The following SEPTIN2 variants were observed in gnomAD, a reference collection of about 807,000 sequenced individuals.
SEPTIN2 encodes septin-2.
Under a neutral mutation model 46.5 loss-of-function variants are expected in SEPTIN2, and 34 were observed. That is an observed-to-expected ratio of 0.73 (90% CI 0.56 to 0.97). The LOEUF (loss-of-function observed/expected upper bound fraction) is 0.97, where lower values mean the gene tolerates loss of function less well. SEPTIN2 is among the 50% of genes least tolerant of loss of function. The pLI is 0.00. For synonymous variants in SEPTIN2, 175 were observed against 153.4 expected (o/e 1.14, Z -1.04); for missense variants, 347 against 448.4 (o/e 0.77, Z 2.04).
At chr2:241,316,476 G>C (rs2076273502) in intron 1 of SEPTIN2, 2 of 1,501,794 alleles carry the variant, frequency 1.3e-6, no homozygotes, top group South Asian at 1.2e-5. Context: ...GGATGCCGTG[G>C]ATAAGCGAGG....
chr2:241,324,461 C>T (rs774941092), intron 2 of SEPTIN2: 1 of 515,396 alleles, frequency 1.9e-6, no homozygotes, highest in Non-Finnish European at 3.6e-6. Flanking sequence ...GATCTCAGCT[C>T]ACTGCAACTT....
intron 1 of SEPTIN2, among the ~76,000 whole-genome samples, chr2:241,319,543 A>G (rs1462238403): frequency 6.6e-6 from 1 of 152,252 alleles, no homozygotes; most frequent in African/African-American, 2.4e-5. Context: ...TTTAGAAAAC[A>G]GTATTTGCCT....
At chr2:241,339,895 C>G (rs1157297319) in intron 7 of SEPTIN2, among the ~76,000 whole-genome samples, 1 of 152,188 alleles carries the variant, frequency 6.6e-6, no homozygotes, top group Non-Finnish European at 1.5e-5. Context: ...ACCCCTGACC[C>G]CAGGTCCTGA....
At chr2:241,343,677 C>G in intron 8 of SEPTIN2, 75 bp from the exon 9 acceptor site, 6 of 1,545,030 alleles carry the variant, frequency 3.9e-6, no homozygotes, top group Non-Finnish European at 5.3e-6. Flanking sequence ...TAAGTCTGTG[C>G]TAATGTTCTC....
intron 11 of SEPTIN2, 121 bp from the exon 12 acceptor site, chr2:241,349,952 T>C: frequency 2.3e-6 from 2 of 859,878 alleles, no homozygotes. Context: ...CTTTATGTAA[T>C]AACTCCTGTC....
At chr2:241,316,571 A>AG in intron 1 of SEPTIN2, 1 of 1,505,962 alleles carries the variant, frequency 6.6e-7, no homozygotes, top group Non-Finnish European at 8.8e-7. Flanking sequence ...GACAGGCAGC[A>AG]GGGGGTAGGG....
chr2:241,352,888 A>C lies in SEPTIN2; in HGVS notation c.*951A>C, dbSNP rs1253436238. 3 of 152,188 alleles carry C rather than the reference A, an allele frequency of 2.0e-5. No homozygotes were observed. Among genetic ancestry groups the C allele is most frequent in the Non-Finnish European group, 1.5e-5 (1 of 68,040 alleles). The allele number at this position is 152,188 out of a possible 1,614,324, so 9.4% of individuals were successfully genotyped here. A position where few individuals can be genotyped will look rare whatever the true frequency, so the allele number is the denominator to read the frequency against. On this transcript the variant is annotated 3_prime_UTR_variant, in exon 13 of 13. Coordinates refer to ENST00000391971, the MANE Select transcript of SEPTIN2 (RefSeq NM_004404.5). ...CAAACCTTTTTATATTTTATACTGC[A>C]CTTTAGTGTATTTTCTGTCACTGTA...
At chr2:241,335,639 C>G in intron 4 of SEPTIN2, 1 of 574,506 alleles carries the variant, frequency 1.7e-6, no homozygotes, top group Non-Finnish European at 3.1e-6. Flanking sequence ...ATAGTGAGAG[C>G]CTAAGACTTG....
At position 241,344,007 on chromosome 2, in the gene SEPTIN2, C is replaced by T. The variant is rs572292766; in HGVS notation, c.842+110C>T. 2.7e-5 allele frequency: 35 copies of T among 1,302,456 alleles called. 1 individual carries two copies. The East Asian group carries it at 5.8e-4, about 22-fold the overall frequency. The allele number at this position is 1,302,456 out of a possible 1,614,324, so 80.7% of individuals were successfully genotyped here. A position where few individuals can be genotyped will look rare whatever the true frequency, so the allele number is the denominator to read the frequency against. ...TAGTTGCAGCCAGCAGCTTCATTGC[C>T]GCCCTCAGTGTTTCTCACATCGCAG... is the stretch of plus-strand genomic sequence containing the variant. On this transcript the variant is annotated intron_variant, in intron 9 of 12. Transcript: ENST00000391971.
chr2:241,347,244 TCAA>T (rs896530215), intron 10 of SEPTIN2, among the ~76,000 whole-genome samples: 7 of 152,182 alleles, frequency 4.6e-5, no homozygotes, highest in Admixed American at 1.3e-4. Context: ...AGACCCTGTC[TCAA>T]CAACAAAAGT....
At chr2:241,338,974 ATAT>A (rs1198226763) in intron 7 of SEPTIN2, among the ~76,000 whole-genome samples, 18 of 107,506 alleles carry the variant, frequency 1.7e-4, no homozygotes, top group Non-Finnish European at 2.6e-4. Context: ...TATAAATATA[ATAT>A]ATAAATATAT....
chr2:241,347,478 T>TGG (rs2060362301), intron 10 of SEPTIN2, among the ~76,000 whole-genome samples: 1 of 152,156 alleles, frequency 6.6e-6, no homozygotes, highest in Non-Finnish European at 1.5e-5. Flanking sequence ...CAGGTGTGCT[T>TGG]GGGGAGCTTA....
intron 7 of SEPTIN2, among the ~76,000 whole-genome samples, chr2:241,338,750 A>AATAC (rs1559642525): frequency 9.7e-6 from 1 of 102,964 alleles, no homozygotes; most frequent in South Asian, 2.7e-4. Flanking sequence ...ATTTATATGT[A>AATAC]ATATATTTAT....
intron 1 of SEPTIN2, among the ~76,000 whole-genome samples, chr2:241,320,657 C>T (rs2076989794): frequency 2.0e-5 from 3 of 152,144 alleles, no homozygotes; most frequent in South Asian, 4.2e-4. Context: ...GGCGTGGTGG[C>T]GGGCACCTAT....
At chr2:241,349,562 C>CT (rs1314020811) in intron 11 of SEPTIN2, among the ~76,000 whole-genome samples, 2 of 152,084 alleles carry the variant, frequency 1.3e-5, no homozygotes, top group Non-Finnish European at 2.9e-5. Context: ...GTGGCTCACG[C>CT]TTGTAATCCC....
chr2:241,334,620 T>C, intron 3 of SEPTIN2, among the ~76,000 whole-genome samples: 1 of 152,008 alleles, frequency 6.6e-6, no homozygotes, highest in Non-Finnish European at 1.5e-5. Flanking sequence ...GGTTGCAGAG[T>C]GAGGGTGTGC....
intron 3 of SEPTIN2, among the ~76,000 whole-genome samples, chr2:241,330,232 CA>C (rs1223102884): frequency 6.6e-6 from 1 of 152,154 alleles, no homozygotes; most frequent in Non-Finnish European, 1.5e-5. Flanking sequence ...CCATGCCATA[CA>C]GCATGATGAA....
chr2:241,330,570 C>T (rs1449436156), intron 3 of SEPTIN2, among the ~76,000 whole-genome samples: 1 of 152,150 alleles, frequency 6.6e-6, no homozygotes, highest in Non-Finnish European at 1.5e-5. Flanking sequence ...TTGGGAATAT[C>T]CCCAAGTGGT....
chr2:241,332,640 A>G (rs2079182419), intron 3 of SEPTIN2, among the ~76,000 whole-genome samples: 1 of 152,268 alleles, frequency 6.6e-6, no homozygotes, highest in Non-Finnish European at 1.5e-5. Flanking sequence ...TTTACCCACA[A>G]GAAATGAAAA....
Sources: gnomAD v4.1 joint callset for allele counts (sites outside exome capture counted in the v4.1 genomes callset) on GRCh38, gnomAD v4.1.1 for gene constraint, MANE v1.5 for transcripts, NCBI Gene and HGNC (gene_info 2026-07-23, HGNC 2026-07-21) for gene names.